PAM: variants seen among roughly 807,000 people sequenced by gnomAD.
PAM encodes the protein peptidyl-glycine alpha-amidating monooxygenase.
PAM carries 72 observed loss-of-function variants against 122.1 expected under a neutral mutation model. That is an observed-to-expected ratio of 0.59 (90% CI 0.49 to 0.72). The LOEUF (loss-of-function observed/expected upper bound fraction) is 0.72. Ranked by LOEUF, PAM falls within the 30% of genes least tolerant of loss-of-function variation. The pLI, the probability that PAM is intolerant of heterozygous loss-of-function variation, is 0.00. For missense variants in PAM, 1,106 were observed against 1,183.7 expected, an observed-to-expected ratio of 0.93 and a Z score of 0.96; for synonymous variants, 389 against 404.4, an observed-to-expected ratio of 0.96 and a Z score of 0.46.
chr5:102,927,043 C>G (rs934368508), intron 7 of PAM, among the ~76,000 whole-genome samples: 34 of 152,116 alleles, frequency 2.2e-4, no homozygotes, highest in African/African-American at 7.5e-4. Context: ...AGCAAGCCAC[C>G]GAGAGTCTAT....
Position 102,803,347 on chromosome 5 carries a change from G to A in PAM, c.-374+47999G>A, listed in dbSNP as rs148959125. On this transcript the variant is annotated intron_variant, in intron 1 of 25. Coordinates refer to ENST00000438793, the MANE Select transcript of PAM (RefSeq NM_001177306.2). ...TAGGTAAGAGAAATGGGTAACAAGA[G>A]ATGTTTCTTCCATCCCTCGTAAGTT... Among the ~76,000 whole-genome samples, 106 of 152,246 alleles carry A rather than the reference G, an allele frequency of 7.0e-4. 1 individual carries two copies. Among genetic ancestry groups the A allele is most frequent in the African/African-American group, 2.3e-3 (94 of 41,522 alleles).
chr5:102,763,109 G>T (rs552640275), intron 1 of PAM, among the ~76,000 whole-genome samples: 5 of 152,116 alleles, frequency 3.3e-5, no homozygotes, highest in African/African-American at 1.2e-4. Flanking sequence ...ACTAGTTCTT[G>T]TCTAGTTCCC....
intron 1 of PAM, among the ~76,000 whole-genome samples, chr5:102,834,203 C>T (rs1374817349): frequency 1.3e-5 from 2 of 152,010 alleles, no homozygotes; most frequent in East Asian, 1.9e-4. Context: ...AAAAATTCTA[C>T]TTTTGTTCCT....
intron 14 of PAM, among the ~76,000 whole-genome samples, chr5:102,971,144 G>T (rs1194613660): frequency 7.6e-6 from 1 of 132,282 alleles, no homozygotes; most frequent in Non-Finnish European, 1.6e-5. Context: ...AAATCCAAAT[G>T]TTTGACTGGA....
intron 25 of PAM, 29 bp from the exon 26 acceptor site, chr5:103,028,858 C>T (rs894881930): frequency 1.0e-5 from 16 of 1,531,426 alleles, no homozygotes; most frequent in Non-Finnish European, 1.3e-5. Context: ...AAACTTTACC[C>T]AATTCTGTTA....
At chr5:102,975,869 A>T (rs1211757309) in intron 15 of PAM, among the ~76,000 whole-genome samples, 45 of 152,158 alleles carry the variant, frequency 3.0e-4, no homozygotes, top group Non-Finnish European at 2.9e-5. Context: ...TTATTCTTAG[A>T]TTTGAAATGA....
rs569326139 is a variant in PAM, at chr5:102,909,954, A to T, written c.269-3980A>T. ...GCTCTGTAGTATTCCTCTACAGAATATTTTTTGGCTAAAAATAATTGTTCC... is the reference window on the plus strand; with the variant it reads ...GCTCTGTAGTATTCCTCTACAGAATTTTTTTTGGCTAAAAATAATTGTTCC... On this transcript the variant is annotated intron_variant, in intron 4 of 25. Coordinates refer to ENST00000438793, the MANE Select transcript of PAM (RefSeq NM_001177306.2). Among the ~76,000 whole-genome samples, 3 of 151,960 alleles carry T rather than the reference A, an allele frequency of 2.0e-5. No individual in the cohort carries two copies. The South Asian group carries it at 6.2e-4, about 32-fold the overall frequency.
At chr5:102,931,761 G>A (rs1419140488) in intron 7 of PAM, among the ~76,000 whole-genome samples, 5 of 151,784 alleles carry the variant, frequency 3.3e-5, no homozygotes, top group Non-Finnish European at 7.4e-5. Context: ...TTAAGCTCTT[G>A]GCGCATATGG....
chr5:102,883,960 T>C (rs558048539), intron 3 of PAM, among the ~76,000 whole-genome samples: 99 of 151,944 alleles, frequency 6.5e-4, no homozygotes, highest in African/African-American at 2.2e-3. Flanking sequence ...TTTGTGTCTC[T>C]TGAGATGATC....
chr5:102,836,082 G>A lies in PAM; in HGVS notation c.-373-29741G>A, dbSNP rs114314970. 4.9e-3 allele frequency among the ~76,000 whole-genome samples: 744 copies of A among 152,224 alleles called. 10 individuals carry two copies. Among genetic ancestry groups the A allele is most frequent in the African/African-American group, 0.017 (700 of 41,548 alleles). On this transcript the variant is annotated intron_variant, in intron 1 of 25. Transcript: ENST00000438793. ...CATAGTAGCAGTAAAATGCAAAAAAGGCAGATTAATGTAGAGATGTTTGTG... is the reference window on the plus strand; with the variant it reads ...CATAGTAGCAGTAAAATGCAAAAAAAGCAGATTAATGTAGAGATGTTTGTG...
intron 14 of PAM, among the ~76,000 whole-genome samples, chr5:102,967,224 T>C (rs1351535831): frequency 6.6e-6 from 1 of 152,102 alleles, no homozygotes; most frequent in African/African-American, 2.4e-5. Flanking sequence ...CTTTAATTGG[T>C]GGTGTTATTA....
In PAM at chr5:102,904,765, A is replaced by T. The variant is rs541631466; in HGVS notation, c.268+3352A>T. On this transcript the variant is annotated intron_variant, in intron 4 of 25. Transcript: ENST00000438793. Reference sequence around the variant, plus strand: ...AAAGACAATACAATTTACATTATTAATACTAGGACAGACTCTCTTGATGGC... The same window carrying T: ...AAAGACAATACAATTTACATTATTATTACTAGGACAGACTCTCTTGATGGC... Among the ~76,000 whole-genome samples the T allele has an allele frequency of 2.0e-4, 31 of 151,744 alleles. No individual in the cohort carries two copies. The South Asian group carries it at 6.4e-3, about 31-fold the overall frequency.
intron 1 of PAM, among the ~76,000 whole-genome samples, chr5:102,836,814 T>A (rs1485702904): frequency 7.0e-6 from 1 of 142,752 alleles, no homozygotes; most frequent in East Asian, 2.1e-4. Flanking sequence ...AATAAACAAT[T>A]TAAACAAATG....
rs1170943048 is a variant in PAM, at chr5:102,972,265, T to C, written c.1163-1851T>C. Among the ~76,000 whole-genome samples, 4 of 152,030 alleles carry C rather than the reference T, an allele frequency of 2.6e-5. No homozygotes were observed. The East Asian group carries it at 5.8e-4, about 22-fold the overall frequency. On this transcript the variant is annotated intron_variant, in intron 14 of 25. Transcript: ENST00000438793. ...CAATAACAATAATAGCTTAAACATA[T>C]GGATTCAAGTTTTTATTTAATTTTA...
intron 24 of PAM, 155 bp from the exon 25 acceptor site, chr5:103,028,030 A>C (rs1785476272): frequency 3.3e-6 from 2 of 611,126 alleles, no homozygotes; most frequent in Admixed American, 5.8e-5. Context: ...TGTCTCAGAA[A>C]TATACCGCCT....
intron 1 of PAM, among the ~76,000 whole-genome samples, chr5:102,835,684 G>T (rs13156318): frequency 2.6e-5 from 4 of 151,704 alleles, no homozygotes; most frequent in African/African-American, 9.7e-5. Flanking sequence ...ATTTCACTAT[G>T]AAATTTAAAT....
intron 1 of PAM, among the ~76,000 whole-genome samples, chr5:102,796,457 AG>A (rs1580228186): frequency 1.3e-5 from 2 of 152,192 alleles, no homozygotes; most frequent in African/African-American, 4.8e-5. Flanking sequence ...AAATAAGGCA[AG>A]AAAAATTGAT....
intron 1 of PAM, among the ~76,000 whole-genome samples, chr5:102,799,330 A>G (rs1580261218): frequency 6.6e-6 from 1 of 152,216 alleles, no homozygotes; most frequent in African/African-American, 2.4e-5. Flanking sequence ...TGTACAAGAC[A>G]TTCCATACTC....
chr5:102,905,214 G>T (rs114222055), intron 4 of PAM, among the ~76,000 whole-genome samples: 1 of 151,522 alleles, frequency 6.6e-6, no homozygotes, highest in African/African-American at 2.4e-5. Context: ...GACACTCAGC[G>T]GAATTGGCTC....
Sources: gnomAD v4.1 joint callset for allele counts (sites outside exome capture counted in the v4.1 genomes callset) on GRCh38, gnomAD v4.1.1 for gene constraint, MANE v1.5 for transcripts, NCBI Gene and HGNC (gene_info 2026-07-23, HGNC 2026-07-21) for gene names.